CDYL2: variants seen among roughly 807,000 people sequenced by gnomAD.
The protein encoded by CDYL2 is chromodomain Y-like protein 2.
In CDYL2, 23 loss-of-function variants were observed where a neutral mutation model predicts 49.4. The ratio of observed to expected loss-of-function variants is 0.47; its 90% confidence interval spans 0.34 to 0.66. CDYL2 has a LOEUF of 0.66. CDYL2 is among the 30% of genes least tolerant of loss of function. CDYL2 has a pLI of 0.01. For missense variants in CDYL2, 678 were observed against 656.4 expected (o/e 1.03, Z -0.36); for synonymous variants, 360 against 268.8 (o/e 1.34, Z -3.32).
At chr16:80,617,485 C>T (rs143611892) in intron 4 of CDYL2, among the ~76,000 whole-genome samples, 9 of 152,308 alleles carry the variant, frequency 5.9e-5, no homozygotes, top group East Asian at 1.9e-4. Context: ...AATGACAGTG[C>T]GCTTCTCTCA....
intron 2 of CDYL2, chr16:80,662,699 G>A (rs1362495656): frequency 2.2e-6 from 1 of 455,130 alleles, no homozygotes; most frequent in Non-Finnish European, 4.4e-6. Context: ...TATGGCTATT[G>A]AAATTTTAAT....
chr16:80,748,827 C>A (rs1228830280), intron 1 of CDYL2, among the ~76,000 whole-genome samples: 1 of 151,998 alleles, frequency 6.6e-6, no homozygotes, highest in Non-Finnish European at 1.5e-5. Context: ...ATTCCCAGTT[C>A]TGTCATGAGA....
chr16:80,685,775 A>C (rs1387455976), intron 1 of CDYL2, among the ~76,000 whole-genome samples: 1 of 152,234 alleles, frequency 6.6e-6, no homozygotes, highest in Non-Finnish European at 1.5e-5. Flanking sequence ...AACTTAACCA[A>C]GTTCCAGAAT....
Position 80,714,422 on chromosome 16 carries a change from A to G in CDYL2, c.25-29293T>C, listed in dbSNP as rs1230625888. ...ATTGCTATACATTGTATACACATAT[A>G]GAAATATCACTGTGTATCCCATAAA... On this transcript the variant is annotated intron_variant, in intron 1 of 6. Coordinates refer to ENST00000570137, the MANE Select transcript of CDYL2 (RefSeq NM_152342.4). 3.3e-5 allele frequency among the ~76,000 whole-genome samples: 5 copies of G among 152,368 alleles called. No individual in the cohort carries two copies. The South Asian group carries it at 1.0e-3, about 32-fold the overall frequency.
chr16:80,715,459 C>T (rs1567582445), intron 1 of CDYL2, among the ~76,000 whole-genome samples: 1 of 152,146 alleles, frequency 6.6e-6, no homozygotes, highest in Non-Finnish European at 1.5e-5. Flanking sequence ...TGCAATTTTA[C>T]CTCCTGAATG....
At chr16:80,676,133 G>C (rs183824387) in intron 2 of CDYL2, among the ~76,000 whole-genome samples, 17 of 152,162 alleles carry the variant, frequency 1.1e-4, no homozygotes, top group Non-Finnish European at 2.9e-5. Flanking sequence ...CACTTTCCAT[G>C]TGCATAGGGC....
intron 1 of CDYL2, among the ~76,000 whole-genome samples, chr16:80,713,271 A>G (rs2142514865): frequency 6.6e-6 from 1 of 152,352 alleles, no homozygotes. Context: ...GGATGAAGTT[A>G]CAAAACAAGC....
intron 4 of CDYL2, among the ~76,000 whole-genome samples, chr16:80,616,780 C>A (rs1022071329): frequency 6.6e-6 from 1 of 152,224 alleles, no homozygotes; most frequent in Non-Finnish European, 1.5e-5. Context: ...ACTCCAAGAA[C>A]ATATTAGTGC....
At chr16:80,707,719 T>C (rs1904454733) in intron 1 of CDYL2, among the ~76,000 whole-genome samples, 1 of 152,196 alleles carries the variant, frequency 6.6e-6, no homozygotes, top group Non-Finnish European at 1.5e-5. Flanking sequence ...AATCTGTGTC[T>C]GTTTGTAAAA....
chr16:80,639,583 T>TC, intron 2 of CDYL2: 3 of 430,368 alleles, frequency 7.0e-6, no homozygotes, highest in South Asian at 5.1e-5. Context: ...GATTGTACCC[T>TC]CCCCCCTGCA....
chr16:80,712,097 ATG>A (rs1904624995), intron 1 of CDYL2, among the ~76,000 whole-genome samples: 1 of 145,270 alleles, frequency 6.9e-6, no homozygotes, highest in African/African-American at 2.6e-5. Context: ...GTGTATATAT[ATG>A]TGTATATATG....
chr16:80,774,732 T>C (rs924126125), intron 1 of CDYL2, among the ~76,000 whole-genome samples: 2 of 152,008 alleles, frequency 1.3e-5, no homozygotes, highest in Non-Finnish European at 2.9e-5. Flanking sequence ...TTGGGGCAAA[T>C]CTGAAGAGTA....
rs182360872 is a variant in CDYL2, at chr16:80,761,447, A to T, written c.24+42703T>A. Among the ~76,000 whole-genome samples the T allele has an allele frequency of 4.5e-4, 68 of 152,306 alleles. No individual in the cohort carries two copies. In the Middle Eastern group the frequency reaches 0.01, roughly 23 times the overall value. On this transcript the variant is annotated intron_variant, in intron 1 of 6. Transcript: ENST00000570137. ...TTAGTAGAGAGCTTGACGTCTAGTAAAAGTGCCCCAAGAGTGGTGGTGCTG... is the reference window on the plus strand; with the variant it reads ...TTAGTAGAGAGCTTGACGTCTAGTATAAGTGCCCCAAGAGTGGTGGTGCTG...
intron 1 of CDYL2, among the ~76,000 whole-genome samples, chr16:80,718,701 T>C (rs1330217113): frequency 6.6e-6 from 1 of 152,092 alleles, no homozygotes; most frequent in Non-Finnish European, 1.5e-5. Flanking sequence ...CAGTAGATGG[T>C]AGGTGGTGTC....
At chr16:80,691,237 C>A (rs185163118) in intron 1 of CDYL2, among the ~76,000 whole-genome samples, 1 of 152,154 alleles carries the variant, frequency 6.6e-6, no homozygotes, top group Non-Finnish European at 1.5e-5. Context: ...CCCTTGGGGG[C>A]GGAAGGGCGA....
At position 80,763,671 on chromosome 16, in the gene CDYL2, G is replaced by A. The variant is rs368389658; in HGVS notation, c.24+40479C>T. ...TCAGAAAGGGTAAAACAAAGACTAA[G>A]AGAGGAAGGGAACATCAAGCCACTT... On this transcript the variant is annotated intron_variant, in intron 1 of 6. Coordinates refer to ENST00000570137, the MANE Select transcript of CDYL2 (RefSeq NM_152342.4). 4.4e-4 allele frequency among the ~76,000 whole-genome samples: 67 copies of A among 152,224 alleles called. No homozygotes were observed. The Middle Eastern group carries it at 0.01, about 23-fold the overall frequency.
chr16:80,618,590 T>A (rs1906936821), intron 4 of CDYL2, among the ~76,000 whole-genome samples: 1 of 152,158 alleles, frequency 6.6e-6, no homozygotes, highest in South Asian at 2.1e-4. Context: ...GGGTACCCTG[T>A]TTCTGTTCAG....
intron 1 of CDYL2, among the ~76,000 whole-genome samples, chr16:80,746,391 G>T (rs760832563): frequency 6.6e-6 from 1 of 152,154 alleles, no homozygotes; most frequent in African/African-American, 2.4e-5. Context: ...AGACAAGCTC[G>T]AAATGTTCCA....
chr16:80,661,399 C>T (rs1447629033), intron 2 of CDYL2, among the ~76,000 whole-genome samples: 1 of 152,204 alleles, frequency 6.6e-6, no homozygotes, highest in Admixed American at 6.5e-5. Context: ...AGAGTCCTTT[C>T]TCTCAACTAT....
Sources: allele counts gnomAD v4.1 joint callset (sites outside exome capture counted in the v4.1 genomes callset), GRCh38; gene constraint gnomAD v4.1.1; transcripts MANE v1.5; gene names NCBI Gene and HGNC (gene_info 2026-07-23, HGNC 2026-07-21).